LSAMP: variants seen among roughly 807,000 people sequenced by gnomAD.
LSAMP encodes limbic system associated membrane protein.
A neutral mutation model predicts 38.6 loss-of-function variants in LSAMP; 7 were observed. That is an observed-to-expected ratio of 0.18 (90% CI 0.10 to 0.34). The LOEUF is 0.34. Among genes scored for constraint, LSAMP ranks in the 10% least tolerant of loss-of-function variants. LSAMP has a pLI of 1.00. For missense variants in LSAMP, 313 were observed against 420.0 expected, an observed-to-expected ratio of 0.75 and a Z score of 2.23; for synonymous variants, 154 against 166.8, an observed-to-expected ratio of 0.92 and a Z score of 0.59.
intron 1 of LSAMP, among the ~76,000 whole-genome samples, chr3:116,168,758 A>C (rs1411560284): frequency 6.6e-6 from 1 of 152,248 alleles, no homozygotes; most frequent in Non-Finnish European, 1.5e-5. Context: ...GGATAAATCA[A>C]GGAGCTATTA....
chr3:116,026,522 T>C (rs1359456440), intron 2 of LSAMP, among the ~76,000 whole-genome samples: 1 of 152,172 alleles, frequency 6.6e-6, no homozygotes, highest in African/African-American at 2.4e-5. Context: ...ATCCTGGTTT[T>C]CCTTTGGAAA....
intron 2 of LSAMP, among the ~76,000 whole-genome samples, chr3:116,040,009 A>AC (rs1553762291): frequency 2.6e-5 from 4 of 152,024 alleles, no homozygotes; most frequent in Admixed American, 1.3e-4. Context: ...GGGGAAAAAA[A>AC]CTGGTCCCCT....
At chr3:116,401,622 C>A (rs988557658) in intron 1 of LSAMP, among the ~76,000 whole-genome samples, 3 of 152,178 alleles carry the variant, frequency 2.0e-5, no homozygotes, top group Non-Finnish European at 4.4e-5. Flanking sequence ...TCCTTCAAGA[C>A]TCAAGTGTAA....
chr3:115,865,685 G>A (rs1354772631), intron 3 of LSAMP, among the ~76,000 whole-genome samples: 1 of 152,116 alleles, frequency 6.6e-6, no homozygotes, highest in East Asian at 1.9e-4. Context: ...GAATTTCCTG[G>A]GATGAGGCTC....
intron 1 of LSAMP, among the ~76,000 whole-genome samples, chr3:116,092,123 G>A (rs546970759): frequency 6.6e-6 from 1 of 152,288 alleles, no homozygotes; most frequent in African/African-American, 2.4e-5. Flanking sequence ...GATACTTGCT[G>A]AAATGTGGAA....
chr3:115,804,210 TAC>T lies in LSAMP; in HGVS notation c.*6105_*6106del, dbSNP rs1933579182. 2.0e-5 allele frequency: 3 copies of T among 152,200 alleles called. No individual in the cohort carries two copies. The highest frequency in any genetic ancestry group is 4.4e-5 in the Non-Finnish European group (3 of 68,034). The allele number at this position is 152,200 out of a possible 1,614,324, so 9.4% of individuals were successfully genotyped here. ...TGATAGTTCTGAGAAGTGATGAGAATACAGAGACCAAACTAGAGATAACAAAC... is the reference window on the plus strand; with the variant it reads ...TGATAGTTCTGAGAAGTGATGAGAATAGAGACCAAACTAGAGATAACAAAC... On this transcript the variant is annotated 3_prime_UTR_variant, in exon 7 of 7. Transcript: ENST00000490035.
At chr3:116,383,036 G>C (rs2048581702) in intron 1 of LSAMP, among the ~76,000 whole-genome samples, 1 of 152,056 alleles carries the variant, frequency 6.6e-6, no homozygotes, top group South Asian at 2.1e-4. Flanking sequence ...ATCTCACTAG[G>C]ATGTTGTAAA....
Position 116,215,062 on chromosome 3 carries a change from A to C in LSAMP, c.156-128506T>G, listed in dbSNP as rs138179876. ...ACATTATTAAGAACTCAGTATGTACATAACACTACACTGGATACATTGCGG... is the reference window on the plus strand; with the variant it reads ...ACATTATTAAGAACTCAGTATGTACCTAACACTACACTGGATACATTGCGG... On this transcript the variant is annotated intron_variant, in intron 1 of 6. Transcript: ENST00000490035. Among the ~76,000 whole-genome samples, 8 of 152,366 alleles carry C rather than the reference A, an allele frequency of 5.3e-5. No homozygotes were observed. The East Asian group carries it at 1.5e-3, about 29-fold the overall frequency.
chr3:116,231,104 G>C (rs1011383814), intron 1 of LSAMP, among the ~76,000 whole-genome samples: 1 of 152,090 alleles, frequency 6.6e-6, no homozygotes, highest in Non-Finnish European at 1.5e-5. Flanking sequence ...AAACATGAAC[G>C]CCCATGTTTG....
rs76447327 is a variant in LSAMP, at chr3:116,113,891, C to T, written c.156-27335G>A. ...AAAAGAGTGGATCAATAATTGCAAG[C>T]TACAAAGAGCAATGAGGAGAGTCTC... is the stretch of plus-strand genomic sequence containing the variant. On this transcript the variant is annotated intron_variant, in intron 1 of 6. Coordinates refer to ENST00000490035, the MANE Select transcript of LSAMP (RefSeq NM_002338.5). 3.9e-3 allele frequency among the ~76,000 whole-genome samples: 589 copies of T among 152,200 alleles called. 3 individuals carry two copies. Among genetic ancestry groups the T allele is most frequent in the African/African-American group, 0.014 (569 of 41,502 alleles).
At chr3:115,921,498 T>C (rs1937381694) in intron 3 of LSAMP, among the ~76,000 whole-genome samples, 3 of 152,106 alleles carry the variant, frequency 2.0e-5, no homozygotes, top group African/African-American at 7.2e-5. Context: ...TATATCCTTT[T>C]ATAGCATTAT....
At chr3:115,883,350 A>G (rs990064877) in intron 3 of LSAMP, among the ~76,000 whole-genome samples, 4 of 152,022 alleles carry the variant, frequency 2.6e-5, no homozygotes, top group Non-Finnish European at 5.9e-5. Context: ...GTGATTGGGA[A>G]CAGAGAGTGA....
chr3:116,284,111 T>A (rs967914050), intron 1 of LSAMP, among the ~76,000 whole-genome samples: 1 of 152,160 alleles, frequency 6.6e-6, no homozygotes, highest in Admixed American at 6.5e-5. Context: ...CCAGGATGCA[T>A]GTAAAAAATA....
intron 1 of LSAMP, among the ~76,000 whole-genome samples, chr3:116,393,919 G>A (rs972962325): frequency 2.6e-5 from 4 of 152,208 alleles, no homozygotes; most frequent in African/African-American, 7.2e-5. Context: ...GGAACGACAA[G>A]GAAGCGAGGA....
Position 116,438,170 on chromosome 3 carries a change from G to A in LSAMP, c.155+6707C>T, listed in dbSNP as rs17182849. On this transcript the variant is annotated intron_variant, in intron 1 of 6. Transcript: ENST00000490035. ...CTTGAAATGACATAATAAAAACATCGTAGTGCAAATGGCCTGTGTATAGCA... is the reference window on the plus strand; with the variant it reads ...CTTGAAATGACATAATAAAAACATCATAGTGCAAATGGCCTGTGTATAGCA... 6.1e-3 allele frequency among the ~76,000 whole-genome samples: 920 copies of A among 151,346 alleles called. 4 individuals carry two copies. Among genetic ancestry groups the A allele is most frequent in the Middle Eastern group, 0.021 (6 of 290 alleles).
intron 1 of LSAMP, among the ~76,000 whole-genome samples, chr3:116,208,263 A>G (rs998302269): frequency 2.0e-5 from 3 of 150,660 alleles, no homozygotes; most frequent in Admixed American, 2.0e-4. Context: ...AGCTCCTTTA[A>G]GCACTTCTCT....
At chr3:115,835,621 A>G (rs1332453332) in intron 6 of LSAMP, among the ~76,000 whole-genome samples, 2 of 152,218 alleles carry the variant, frequency 1.3e-5, no homozygotes, top group Admixed American at 6.5e-5. Flanking sequence ...CAAAACCACA[A>G]TGAGAAAGGC....
chr3:116,405,716 CATT>C (rs929848779), intron 1 of LSAMP, among the ~76,000 whole-genome samples: 15 of 152,170 alleles, frequency 9.9e-5, no homozygotes, highest in African/African-American at 3.6e-4. Context: ...CTATAAGGCT[CATT>C]AGAGGTGCAA....
Position 115,968,049 on chromosome 3 carries a change from T to A in LSAMP, c.514+51466A>T, listed in dbSNP as rs188699189. On this transcript the variant is annotated intron_variant, in intron 3 of 6. Coordinates refer to ENST00000490035, the MANE Select transcript of LSAMP (RefSeq NM_002338.5). ...AAGGCCCATGGGCTCTTCAGTCAAC[T>A]TGTGGTGAATGCTGCCAGGCCTGAG... Among the ~76,000 whole-genome samples, 5 of 152,180 alleles carry A rather than the reference T, an allele frequency of 3.3e-5. No homozygotes were observed. The East Asian group carries it at 9.7e-4, about 30-fold the overall frequency.
Sources: gnomAD v4.1 joint callset for allele counts (sites outside exome capture counted in the v4.1 genomes callset) on GRCh38, gnomAD v4.1.1 for gene constraint, MANE v1.5 for transcripts, NCBI Gene and HGNC (gene_info 2026-07-23, HGNC 2026-07-21) for gene names.